The following NRXN1 variants were observed in gnomAD, a reference collection of about 807,000 sequenced individuals.
NRXN1 encodes the protein neurexin-1.
Under a neutral mutation model 150.9 loss-of-function variants are expected in NRXN1, and 39 were observed. That is an observed-to-expected ratio of 0.26 (90% CI 0.20 to 0.34). The LOEUF (loss-of-function observed/expected upper bound fraction) is 0.34. Ranked by LOEUF, NRXN1 falls within the 10% of genes least tolerant of loss-of-function variation. The pLI is 1.00. For missense variants in NRXN1, 1,815 were observed against 1,949.9 expected (o/e 0.93, Z 1.30); for synonymous variants, 924 against 757.0 (o/e 1.22, Z -3.62).
intron 17 of NRXN1, among the ~76,000 whole-genome samples, chr2:50,270,150 T>C (rs2069399622): frequency 6.6e-6 from 1 of 152,044 alleles, no homozygotes; most frequent in African/African-American, 2.4e-5. Flanking sequence ...GAATCCCAGA[T>C]GCATTATATA....
intron 2 of NRXN1, among the ~76,000 whole-genome samples, chr2:50,943,039 G>A (rs1450830983): frequency 6.6e-6 from 1 of 152,082 alleles, no homozygotes; most frequent in African/African-American, 2.4e-5. Context: ...CTCTTCTGGT[G>A]ATAGAATTCT....
chr2:50,769,946 T>TG (rs1464754373), intron 5 of NRXN1, among the ~76,000 whole-genome samples: 1 of 152,028 alleles, frequency 6.6e-6, no homozygotes. Context: ...CTGTCTGCCA[T>TG]GGGGGTGAGA....
chr2:50,523,951 T>C (rs1388452669), intron 12 of NRXN1, among the ~76,000 whole-genome samples: 4 of 152,160 alleles, frequency 2.6e-5, no homozygotes, highest in African/African-American at 9.7e-5. Context: ...TCTGCTTAAA[T>C]ATTTTTTTTA....
rs142101335 is a variant in NRXN1 at position 50,437,992 on chromosome 2, A to G, written c.3364+27450T>C. Reference sequence around the variant, plus strand: ...GAAAGAGGATCCTACAACCTCAGTTATCACTTCACAGCAGACTCACTGTGG... The same window carrying G: ...GAAAGAGGATCCTACAACCTCAGTTGTCACTTCACAGCAGACTCACTGTGG... On this transcript the variant is annotated intron_variant, in intron 17 of 22. Coordinates refer to ENST00000401669, the MANE Select transcript of NRXN1 (RefSeq NM_001330078.2). Among the ~76,000 whole-genome samples the G allele has an allele frequency of 4.0e-3, 613 of 152,336 alleles. 3 individuals carry two copies. The highest frequency in any genetic ancestry group is 7.3e-3 in the Non-Finnish European group (494 of 68,024).
chr2:50,075,797 G>GC (rs1553565269), intron 19 of NRXN1, among the ~76,000 whole-genome samples: 6 of 149,660 alleles, frequency 4.0e-5, no homozygotes, highest in Admixed American at 1.3e-4. Flanking sequence ...GGTGACAAAG[G>GC]AAAAAAAAAA....
intron 17 of NRXN1, among the ~76,000 whole-genome samples, chr2:50,411,653 G>T (rs959758728): frequency 3.1e-4 from 47 of 151,522 alleles, no homozygotes; most frequent in South Asian, 1.7e-3. Context: ...CGTCTGAGAA[G>T]TGAGGAGCCC....
At chr2:50,744,164 CAT>C (rs1338587379) in intron 5 of NRXN1, among the ~76,000 whole-genome samples, 1 of 152,102 alleles carries the variant, frequency 6.6e-6, no homozygotes, top group African/African-American at 2.4e-5. Context: ...TTTATAGTCA[CAT>C]ATCTTTATAA....
At chr2:49,972,398 C>G (rs1482263785) in intron 21 of NRXN1, among the ~76,000 whole-genome samples, 1 of 152,092 alleles carries the variant, frequency 6.6e-6, no homozygotes, top group Admixed American at 6.6e-5. Context: ...AAATGGCCAT[C>G]TATTAAAAAG....
intron 18 of NRXN1, among the ~76,000 whole-genome samples, chr2:50,122,884 A>T (rs2152738827): frequency 6.6e-6 from 1 of 152,300 alleles, no homozygotes; most frequent in Middle Eastern, 3.4e-3. Flanking sequence ...TGTCTAGCAC[A>T]TCTATTGAAA....
intron 17 of NRXN1, among the ~76,000 whole-genome samples, chr2:50,261,380 A>G (rs939814247): frequency 2.6e-5 from 4 of 151,828 alleles, no homozygotes; most frequent in African/African-American, 9.7e-5. Flanking sequence ...TTTCTCCTGG[A>G]GTTAAATTGA....
intron 17 of NRXN1, among the ~76,000 whole-genome samples, chr2:50,290,983 T>C (rs1026416406): frequency 6.6e-6 from 1 of 152,142 alleles, no homozygotes; most frequent in Non-Finnish European, 1.5e-5. Flanking sequence ...ACCCGTCAAA[T>C]GTGGATGTAA....
rs923604047 is a variant in NRXN1 at position 50,638,817 on chromosome 2, T to A, written c.833-15202A>T. ...GTTGTCTCCTCCACCATTAACCATA[T>A]GATATGCCTTCCCTACCAACAATTC... On this transcript the variant is annotated intron_variant, in intron 5 of 22. Transcript: ENST00000401669. 2.0e-5 allele frequency among the ~76,000 whole-genome samples: 3 copies of A among 152,318 alleles called. No homozygotes were observed. In the South Asian group the frequency reaches 6.2e-4, roughly 32 times the overall value.
At chr2:50,154,645 T>G (rs1342857496) in intron 18 of NRXN1, among the ~76,000 whole-genome samples, 1 of 151,618 alleles carries the variant, frequency 6.6e-6, no homozygotes, top group Non-Finnish European at 1.5e-5. Flanking sequence ...GTTAAAAACA[T>G]ACAAGTCAGA....
At chr2:50,324,569 G>A (rs2076264014) in intron 17 of NRXN1, among the ~76,000 whole-genome samples, 1 of 152,218 alleles carries the variant, frequency 6.6e-6, no homozygotes, top group South Asian at 2.1e-4. Context: ...TTGAGACGGA[G>A]TCTCGCTCTG....
chr2:50,747,499 C>G (rs1466863168), intron 5 of NRXN1, among the ~76,000 whole-genome samples: 1 of 152,106 alleles, frequency 6.6e-6, no homozygotes, highest in Non-Finnish European at 1.5e-5. Context: ...GGTTCCATCT[C>G]TTTCCCTGGT....
chr2:50,627,699 ATC>A (rs1266388602), intron 5 of NRXN1, among the ~76,000 whole-genome samples: 8 of 151,658 alleles, frequency 5.3e-5, no homozygotes, highest in Non-Finnish European at 1.5e-5. Context: ...GAATAAGTAG[ATC>A]TCTGAGTCAG....
At chr2:50,381,050 T>C (rs1323834942) in intron 17 of NRXN1, among the ~76,000 whole-genome samples, 2 of 152,210 alleles carry the variant, frequency 1.3e-5, no homozygotes, top group East Asian at 1.9e-4. Flanking sequence ...TGTGCTTTCA[T>C]AGATAAGTCT....
intron 21 of NRXN1, among the ~76,000 whole-genome samples, chr2:49,976,180 G>A (rs1028697973): frequency 5.0e-5 from 7 of 139,104 alleles, no homozygotes; most frequent in Admixed American, 2.2e-4. Context: ...GTGCCACCAC[G>A]CCCAGCTAAT....
chr2:50,881,950 A>T (rs935429812), intron 5 of NRXN1, among the ~76,000 whole-genome samples: 1 of 151,742 alleles, frequency 6.6e-6, no homozygotes, highest in Non-Finnish European at 1.5e-5. Flanking sequence ...CAAAAATAGC[A>T]ATTGAAGGGG....
Sources: allele counts gnomAD v4.1 joint callset (sites outside exome capture counted in the v4.1 genomes callset), GRCh38; gene constraint gnomAD v4.1.1; transcripts MANE v1.5; gene names NCBI Gene and HGNC (gene_info 2026-07-23, HGNC 2026-07-21).